Variants in INPP4B observed in about 807,000 individuals in gnomAD.
INPP4B encodes inositol polyphosphate-4-phosphatase type II B, also known as inositol polyphosphate 4-phosphatase type II.
INPP4B carries 55 observed loss-of-function variants against 122.5 expected under a neutral mutation model. The observed-to-expected ratio is 0.45, with a 90% CI of 0.36 to 0.56. The LOEUF (loss-of-function observed/expected upper bound fraction) is 0.56, where lower values mean the gene tolerates loss of function less well. Among genes scored for constraint, INPP4B ranks in the 20% least tolerant of loss-of-function variants. The probability of loss-of-function intolerance (pLI) is 0.00; values close to 1 mark genes in which losing one functional copy is unlikely to be tolerated. For missense variants in INPP4B, 1,000 were observed against 1,097.7 expected (o/e 0.91, Z 1.26); for synonymous variants, 403 against 388.7 (o/e 1.04, Z -0.43).
intron 2 of INPP4B, among the ~76,000 whole-genome samples, chr4:142,660,013 G>A (rs1179556703): frequency 6.6e-6 from 1 of 152,118 alleles, no homozygotes; most frequent in African/African-American, 2.4e-5. Context: ...CCGAGCAGGT[G>A]AGTGTGGCTG....
At chr4:142,324,787 G>A (rs1216219540) in intron 7 of INPP4B, among the ~76,000 whole-genome samples, 2 of 151,994 alleles carry the variant, frequency 1.3e-5, no homozygotes, top group African/African-American at 4.8e-5. Flanking sequence ...TTTGCTTTTT[G>A]GAAGCCTTTG....
chr4:142,720,602 T>G (rs1280499083), intron 2 of INPP4B, among the ~76,000 whole-genome samples: 1 of 151,100 alleles, frequency 6.6e-6, no homozygotes, highest in Non-Finnish European at 1.5e-5. Flanking sequence ...TTTACTGCAT[T>G]GTCTTTTAAT....
chr4:142,063,716 G>A (rs1168484592), intron 25 of INPP4B, among the ~76,000 whole-genome samples: 1 of 152,010 alleles, frequency 6.6e-6, no homozygotes, highest in Non-Finnish European at 1.5e-5. Flanking sequence ...TAAAAAATGG[G>A]ATATTTTTCA....
chr4:142,204,856 G>A (rs1245552746), intron 14 of INPP4B, among the ~76,000 whole-genome samples: 1 of 151,998 alleles, frequency 6.6e-6, no homozygotes, highest in African/African-American at 2.4e-5. Context: ...TTTGATTTCA[G>A]ACTTCCAGCC....
intron 25 of INPP4B, among the ~76,000 whole-genome samples, chr4:142,072,353 G>C (rs1265574269): frequency 6.6e-6 from 1 of 151,940 alleles, no homozygotes; most frequent in Non-Finnish European, 1.5e-5. Context: ...AGGGGAGGTG[G>C]GAGGGATAGC....
intron 10 of INPP4B, among the ~76,000 whole-genome samples, chr4:142,270,400 G>T (rs1412867839): frequency 3.9e-5 from 6 of 152,190 alleles, no homozygotes; most frequent in Admixed American, 2.0e-4. Context: ...TGTTCCAACT[G>T]AGAAGAGGCA....
intron 10 of INPP4B, among the ~76,000 whole-genome samples, chr4:142,264,449 G>A (rs193205702): frequency 7.2e-5 from 11 of 152,166 alleles, no homozygotes; most frequent in Admixed American, 2.6e-4. Context: ...TTCGAAAAAA[G>A]ACAATTTTAG....
chr4:142,181,121 G>A (rs905454278), intron 15 of INPP4B, among the ~76,000 whole-genome samples: 1 of 152,138 alleles, frequency 6.6e-6, no homozygotes, highest in Non-Finnish European at 1.5e-5. Context: ...CTTCCCATAA[G>A]AGCTTGCAAA....
chr4:142,263,081 A>G (rs1740858591), intron 10 of INPP4B, among the ~76,000 whole-genome samples: 1 of 152,160 alleles, frequency 6.6e-6, no homozygotes, highest in African/African-American at 2.4e-5. Flanking sequence ...CTAATAGAAG[A>G]GGTAAGGCAG....
intron 9 of INPP4B, among the ~76,000 whole-genome samples, chr4:142,273,088 G>A: frequency 6.6e-6 from 1 of 151,960 alleles, no homozygotes; most frequent in East Asian, 1.9e-4. Flanking sequence ...GTGACTTTGG[G>A]CAAGTCATTT....
chr4:142,393,262 G>A (rs183594683), intron 7 of INPP4B, among the ~76,000 whole-genome samples: 25 of 152,138 alleles, frequency 1.6e-4, no homozygotes, highest in African/African-American at 5.8e-4. Context: ...ATTATGGGAG[G>A]CCATTGTTTT....
At chr4:142,435,501 G>T (rs1324682059) in intron 3 of INPP4B, among the ~76,000 whole-genome samples, 4 of 150,720 alleles carry the variant, frequency 2.7e-5, no homozygotes, top group African/African-American at 9.7e-5. Context: ...GGGCCAAGAT[G>T]GCCAACTAGA....
chr4:142,624,658 C>T (rs1192953556), intron 2 of INPP4B, among the ~76,000 whole-genome samples: 7 of 151,850 alleles, frequency 4.6e-5, no homozygotes, highest in South Asian at 2.1e-4. Flanking sequence ...ATACCAAAGC[C>T]AGGCAAAGAC....
chr4:142,512,479 AT>A (rs776069918), intron 2 of INPP4B, among the ~76,000 whole-genome samples: 2 of 152,264 alleles, frequency 1.3e-5, no homozygotes, highest in African/African-American at 4.8e-5. Context: ...GTCTTGGTTG[AT>A]TTTTCTATAC....
chr4:142,683,015 T>C (rs934232782), intron 2 of INPP4B, among the ~76,000 whole-genome samples: 5 of 151,906 alleles, frequency 3.3e-5, no homozygotes, highest in African/African-American at 7.2e-5. Flanking sequence ...GTATTTGAGA[T>C]AGATGATTTC....
At chr4:142,297,032 T>C (rs1759031333) in intron 9 of INPP4B, among the ~76,000 whole-genome samples, 1 of 152,110 alleles carries the variant, frequency 6.6e-6, no homozygotes, top group Admixed American at 6.5e-5. Context: ...CAGTTTTTGA[T>C]ATATTCAGCA....
chr4:142,168,194 T>C (rs910610569), intron 16 of INPP4B, among the ~76,000 whole-genome samples: 1 of 151,616 alleles, frequency 6.6e-6, no homozygotes, highest in African/African-American at 2.4e-5. Flanking sequence ...GTGTGGAGTA[T>C]ATTGAGCTTC....
intron 9 of INPP4B, among the ~76,000 whole-genome samples, chr4:142,277,773 T>C (rs1749296535): frequency 1.3e-5 from 2 of 151,542 alleles, no homozygotes; most frequent in South Asian, 4.1e-4. Flanking sequence ...CTGGATGGAA[T>C]TGGAGACCAT....
intron 2 of INPP4B, among the ~76,000 whole-genome samples, chr4:142,713,996 A>G (rs1174808908): frequency 1.3e-5 from 2 of 152,264 alleles, no homozygotes; most frequent in Non-Finnish European, 2.9e-5. Flanking sequence ...ACTAAAATAT[A>G]GAAGGCTTAA....
Sources: gnomAD v4.1 joint callset for allele counts (sites outside exome capture counted in the v4.1 genomes callset) on GRCh38, gnomAD v4.1.1 for gene constraint, MANE v1.5 for transcripts, NCBI Gene and HGNC (gene_info 2026-07-23, HGNC 2026-07-21) for gene names.